Variants in ADH4 observed in about 807,000 individuals in gnomAD.
ADH4 encodes all-trans-retinol dehydrogenase [NAD(+)] ADH4.
A neutral mutation model predicts 35.2 loss-of-function variants in ADH4; 31 were observed. The ratio of observed to expected loss-of-function variants is 0.88; its 90% CI spans 0.66 to 1.19. The LOEUF is 1.19. ADH4 is among the 50% of genes most tolerant of loss of function. The probability of loss-of-function intolerance (pLI) is 0.00; values close to 1 mark genes in which losing one functional copy is unlikely to be tolerated. For synonymous variants in ADH4, 171 were observed against 160.2 expected (o/e 1.07, Z -0.51); for missense variants, 476 against 458.3 (o/e 1.04, Z -0.35).
At chr4:99,128,320 C>T (rs1729162498) in intron 6 of ADH4, among the ~76,000 whole-genome samples, 1 of 152,138 alleles carries the variant, frequency 6.6e-6, no homozygotes, top group African/African-American at 2.4e-5. Context: ...CCTGTAGTCC[C>T]AGCTACTCAG....
chr4:99,127,344 T>G lies in ADH4; in HGVS notation c.844A>C (p.Lys282Gln). Residue 282 changes from lysine (K) to glutamine (Q), a missense_variant and splice_region_variant, in exon 7 of 9, where the codon AAA (lysine) becomes CAA (glutamine). Physicochemically the swap from Lys to Gln is moderately conservative, Grantham distance 53. Transcript: ENST00000265512. The stretch of plus-strand genomic sequence containing the variant: ...GCGGTTGTACAGTCCAGGGCTGCTT[T>G]CTGTGATGGAGCATAAAAGAATACT... ...LDCAGGSETMKAALDCTTAGW... is the reference protein window; with the variant it reads ...LDCAGGSETMQAALDCTTAGW... 1 of 1,589,380 alleles carries G rather than the reference T, an allele frequency of 6.3e-7. No individual in the cohort carries two copies. The highest frequency in any genetic ancestry group is 8.5e-7 in the Non-Finnish European group (1 of 1,169,674).
intron 5 of ADH4, among the ~76,000 whole-genome samples, chr4:99,132,634 C>T (rs1469262283): frequency 2.0e-5 from 3 of 152,020 alleles, no homozygotes; most frequent in Non-Finnish European, 4.4e-5. Context: ...ATATTTGTTT[C>T]ATTGCATTAA....
Position 99,131,660 on chromosome 4 carries a change from G to A in ADH4, c.687C>T (p.Asp229=). ...CCTTCACAAACTTCTCACTGTTGAT[G>A]TCAATACCTATGATTCTGGAAGCTC... ...AAGASRIIGI[D]INSEKFVKAK... is the part of the protein sequence containing the mutation. Residue 229 remains aspartate, a synonymous_variant, in exon 6 of 9, where the codon GAC becomes GAT. Transcript: ENST00000265512. 1 of 1,614,110 alleles carries A rather than the reference G, an allele frequency of 6.2e-7. No individual in the cohort carries two copies. The highest frequency in any genetic ancestry group is 8.5e-7 in the Non-Finnish European group (1 of 1,180,008).
chr4:99,141,845 G>A (rs902040245), intron 2 of ADH4, among the ~76,000 whole-genome samples, 163 bp from the exon 3 acceptor site: 1 of 152,068 alleles, frequency 6.6e-6, no homozygotes, highest in South Asian at 2.1e-4. Flanking sequence ...AATATACTGG[G>A]TTAGATTATT....
At chr4:99,141,130 G>A (rs1274921718) in intron 3 of ADH4, among the ~76,000 whole-genome samples, 1 of 152,124 alleles carries the variant, frequency 6.6e-6, no homozygotes, top group Non-Finnish European at 1.5e-5. Context: ...TTATAAGTAA[G>A]AACATTCAGT....
intron 3 of ADH4, 24 bp downstream of exon 3, chr4:99,141,517 T>C (rs762402595): frequency 5.0e-6 from 8 of 1,596,754 alleles, no homozygotes; most frequent in South Asian, 1.1e-5. Context: ...GACATTTCCA[T>C]TTTTTCTGAA....
intron 3 of ADH4, among the ~76,000 whole-genome samples, chr4:99,140,119 A>C (rs1415643051): frequency 2.0e-5 from 3 of 151,546 alleles, no homozygotes; most frequent in Non-Finnish European, 2.9e-5. Context: ...TATTATCTTT[A>C]TCTTACAAAC....
At position 99,126,295 on chromosome 4, in the gene ADH4, A is replaced by ATAT. The variant is rs1729086221; in HGVS notation, c.1118+298_1118+299insATA. Among the ~76,000 whole-genome samples the ATAT allele has an allele frequency of 6.0e-4, 4 of 6,652 alleles. No homozygotes were observed. In the African/African-American group the frequency reaches 8.5e-3, roughly 14 times the overall value. The allele number at this position is 6,652 out of a possible 152,430, so 4.4% of individuals were successfully genotyped here. On this transcript the variant is annotated intron_variant, in intron 8 of 8. Transcript: ENST00000265512. ...GGGTACACTCTACTAGAGGGATCTA[A>ATAT]CATACTACACAGAAACCTCTCTTTC...
chr4:99,140,886 A>T (rs1729591957), intron 3 of ADH4, among the ~76,000 whole-genome samples: 1 of 152,038 alleles, frequency 6.6e-6, no homozygotes, highest in Non-Finnish European at 1.5e-5. Flanking sequence ...AAAAAAAGGA[A>T]AAACAACACC....
intron 5 of ADH4, among the ~76,000 whole-genome samples, chr4:99,135,833 A>G (rs1487990784): frequency 6.6e-6 from 1 of 152,248 alleles, no homozygotes; most frequent in Admixed American, 6.5e-5. Context: ...TCAGATAAGC[A>G]GGTTGAGATG....
intron 8 of ADH4, among the ~76,000 whole-genome samples, chr4:99,124,948 C>A (rs1055749132): frequency 2.0e-5 from 3 of 152,128 alleles, no homozygotes; most frequent in Non-Finnish European, 2.9e-5. Context: ...AAGGACAGAG[C>A]AGTCTTTATC....
At chr4:99,128,031 T>C (rs1677477543) in intron 6 of ADH4, among the ~76,000 whole-genome samples, 1 of 151,388 alleles carries the variant, frequency 6.6e-6, no homozygotes, top group Non-Finnish European at 1.5e-5. Flanking sequence ...ATAAGACTAA[T>C]TTAAAATTGT....
intron 1 of ADH4, chr4:99,143,028 G>T: frequency 9.1e-6 from 6 of 660,718 alleles, no homozygotes; most frequent in Admixed American, 2.4e-5. Flanking sequence ...AAAAAAACAG[G>T]TGTATTAAAG....
At chr4:99,143,319 A>G (rs936055781) in intron 1 of ADH4, 2 of 687,492 alleles carry the variant, frequency 2.9e-6, no homozygotes, top group African/African-American at 1.8e-5. Context: ...CATTTGAACA[A>G]TATCCCCAGA....
intron 5 of ADH4, among the ~76,000 whole-genome samples, chr4:99,132,454 A>C (rs1444556626): frequency 1.3e-5 from 2 of 152,250 alleles, no homozygotes; most frequent in African/African-American, 4.8e-5. Flanking sequence ...TTTTTCAATC[A>C]GAAATCAATG....
At chr4:99,138,064 A>G (rs1729501311) in intron 4 of ADH4, among the ~76,000 whole-genome samples, 1 of 152,130 alleles carries the variant, frequency 6.6e-6, no homozygotes, top group Non-Finnish European at 1.5e-5. Context: ...CCCCTCATAA[A>G]TTAGTATTTT....
At chr4:99,133,732 A>G (rs2110497312) in intron 5 of ADH4, 1 of 152,330 alleles carries the variant, frequency 6.6e-6, no homozygotes, top group Non-Finnish European at 1.5e-5. Flanking sequence ...CCCATGTTCA[A>G]TGAAGCATTA....
At chr4:99,125,534 T>C (rs1573495) in intron 8 of ADH4, among the ~76,000 whole-genome samples, 146,068 of 152,326 alleles carry the variant, frequency 0.96, 70,057 homozygotes, top group East Asian at 1. Flanking sequence ...CCACTTCAAC[T>C]TCTATCTCCT....
At chr4:99,141,454 A>G (rs1484922033) in intron 3 of ADH4, 87 bp downstream of exon 3, 16 of 1,322,702 alleles carry the variant, frequency 1.2e-5, no homozygotes, top group Non-Finnish European at 1.5e-5. Flanking sequence ...AATAGAGATC[A>G]ATTATAGCAT....
Sources: gnomAD v4.1 joint callset for allele counts (sites outside exome capture counted in the v4.1 genomes callset) on GRCh38, gnomAD v4.1.1 for gene constraint, MANE v1.5 for transcripts, NCBI Gene and HGNC (gene_info 2026-07-23, HGNC 2026-07-21) for gene names.